The following HSBP1 variants were observed in gnomAD, a reference collection of about 807,000 sequenced individuals.
The protein encoded by HSBP1 is heat shock factor binding protein 1.
Under a neutral mutation model 9.6 loss-of-function variants are expected in HSBP1, and 5 were observed. That is an observed-to-expected ratio of 0.52 (90% CI 0.27 to 1.09). The LOEUF is 1.09. Among genes scored for constraint, HSBP1 ranks in the 50% least tolerant of loss-of-function variants. HSBP1 has a pLI of 0.11. For synonymous variants in HSBP1, 42 were observed against 33.3 expected (o/e 1.26, Z -0.90); for missense variants, 121 against 96.3 (o/e 1.26, Z -1.07).
At position 83,808,091 on chromosome 16, in the gene HSBP1, C is replaced by T. The variant is rs1414899056; in HGVS notation, c.15C>T (p.Asp5=). Residue 5 remains aspartate (D), a synonymous_variant, in exon 1 of 4, where the codon GAC becomes GAT. Transcript: ENST00000433866. ...GCATCGGGGAGATGGCCGAGACTGA[C>T]CCCAAGACCGTGCAGGACCTCACCT... MAET[D]PKTVQDLTSV... is the part of the protein sequence containing the mutation. 1.3e-6 allele frequency: 2 copies of T among 1,547,254 alleles called. No homozygotes were observed. The highest frequency in any genetic ancestry group is 1.7e-6 in the Non-Finnish European group (2 of 1,144,990).
chr16:83,808,500 C>T, intron 1 of HSBP1, 180 bp from the exon 2 acceptor site: 1 of 593,364 alleles, frequency 1.7e-6, no homozygotes, highest in Non-Finnish European at 3.0e-6. Context: ...CCCAGCCCAG[C>T]AGTCTAATTG....
Position 83,816,735 on chromosome 16 carries a change from A to G in HSBP1, c.*5317A>G, listed in dbSNP as rs1298630824. On this transcript the variant is annotated 3_prime_UTR_variant, in exon 4 of 4. Coordinates refer to ENST00000433866, the MANE Select transcript of HSBP1 (RefSeq NM_001537.4). ...CAACCCTCACCCCAAAGAGTGGCACAGCCCCAAGTGTCAACAGTGCTGAGG... is the reference window on the plus strand; with the variant it reads ...CAACCCTCACCCCAAAGAGTGGCACGGCCCCAAGTGTCAACAGTGCTGAGG... The G allele has an allele frequency of 2.0e-5, 3 of 152,214 alleles. No individual in the cohort carries two copies. The highest frequency in any genetic ancestry group is 2.9e-5 in the Non-Finnish European group (2 of 68,076). The allele number at this position is 152,214 out of a possible 1,614,324, so 9.4% of individuals were successfully genotyped here.
chr16:83,810,130 A>G (rs148788392), intron 3 of HSBP1, among the ~76,000 whole-genome samples: 1 of 151,638 alleles, frequency 6.6e-6, no homozygotes, highest in East Asian at 1.9e-4. Context: ...AATAACTGAT[A>G]AGTCACCCAC....
At chr16:83,810,114 T>A (rs893761987) in intron 3 of HSBP1, among the ~76,000 whole-genome samples, 5 of 152,016 alleles carry the variant, frequency 3.3e-5, no homozygotes, top group African/African-American at 1.2e-4. Flanking sequence ...TTTTTTTTTT[T>A]ATGGAAATAA....
intron 1 of HSBP1, 64 bp downstream of exon 1, chr16:83,808,185 C>G (rs1365978919): frequency 7.1e-7 from 1 of 1,400,066 alleles, no homozygotes; most frequent in Non-Finnish European, 9.7e-7. Flanking sequence ...CCAAGCCCTG[C>G]TGGACAGAGG....
rs143738069 is a variant in HSBP1 at position 83,813,991 on chromosome 16, CCA to C, written c.*2585_*2586del. 2.1e-3 allele frequency: 317 copies of C among 152,006 alleles called. 1 individual carries two copies. The highest frequency in any genetic ancestry group is 7.3e-3 in the African/African-American group (303 of 41,462). 9.4% of individuals were successfully genotyped at this position (152,006 alleles called of 1,614,324 possible). On this transcript the variant is annotated 3_prime_UTR_variant, in exon 4 of 4. Transcript: ENST00000433866. Reference sequence around the variant, plus strand: ...CTTGTGAGTCCTTGGAATTTAAGCCCCACACACACACACTTAGAGCACTGTTG... The same window carrying C: ...CTTGTGAGTCCTTGGAATTTAAGCCCCACACACACACTTAGAGCACTGTTG...
At position 83,818,518 on chromosome 16, in the gene HSBP1, C is replaced by T. The variant is rs753762305; in HGVS notation, c.*7100C>T. The T allele has an allele frequency of 3.9e-5, 6 of 152,160 alleles. No homozygotes were observed. The highest frequency in any genetic ancestry group is 1.2e-4 in the African/African-American group (5 of 41,436). 9.4% of individuals were successfully genotyped at this position (152,160 alleles called of 1,614,324 possible). A position where few individuals can be genotyped will look rare whatever the true frequency, so the allele number is the denominator to read the frequency against. On this transcript the variant is annotated 3_prime_UTR_variant, in exon 4 of 4. Transcript: ENST00000433866. ...TAGCAAGTTCAGAACTTGAAGAATC[C>T]CTTTTATCCTAACGCTGACTAATAA...
rs946339323 is a variant in HSBP1 at position 83,812,340 on chromosome 16, A to T, written c.*922A>T. 3.3e-5 allele frequency: 5 copies of T among 152,270 alleles called. No individual in the cohort carries two copies. Among genetic ancestry groups the T allele is most frequent in the Non-Finnish European group, 7.3e-5 (5 of 68,046 alleles). 9.4% of individuals were successfully genotyped at this position (152,270 alleles called of 1,614,324 possible). ...TAGTAGACTCAAGTTTTTAAAAAAC[A>T]CTATTTTACTTAAACTGTTTCTTAT... On this transcript the variant is annotated 3_prime_UTR_variant, in exon 4 of 4. Transcript: ENST00000433866.
chr16:83,808,324 A>G (rs1220785753), intron 1 of HSBP1: 4 of 561,604 alleles, frequency 7.1e-6, no homozygotes, highest in Non-Finnish European at 1.2e-5. Context: ...GGCGCCCCCA[A>G]GCCCGACCCC....
In HSBP1 at chr16:83,813,623, G is replaced by A. The variant is rs1236908646; in HGVS notation, c.*2205G>A. 1 of 152,314 alleles carries A rather than the reference G, an allele frequency of 6.6e-6. No individual in the cohort carries two copies. Among genetic ancestry groups the A allele is most frequent in the Admixed American group, 6.5e-5 (1 of 15,286 alleles). The allele number at this position is 152,314 out of a possible 1,614,324, so 9.4% of individuals were successfully genotyped here. A position where few individuals can be genotyped will look rare whatever the true frequency, so the allele number is the denominator to read the frequency against. ...CTGGAGCCACCATGCCTGTCCAAGG[G>A]TCTTTTTTATACTATATGAAGTATT... On this transcript the variant is annotated 3_prime_UTR_variant, in exon 4 of 4. Transcript: ENST00000433866.
chr16:83,809,300 A>C lies in HSBP1; in HGVS notation c.113-5A>C. On this transcript the variant is annotated splice_region_variant and splice_polypyrimidine_tract_variant and intron_variant, in intron 2 of 3. Transcript: ENST00000433866. ...GTTGGCACGCGTTGTCTTTAACTTCAGCACTTGATGATATGAGTAGTCGCA... is the reference window on the plus strand; with the variant it reads ...GTTGGCACGCGTTGTCTTTAACTTCCGCACTTGATGATATGAGTAGTCGCA... The C allele has an allele frequency of 6.4e-7, 1 of 1,558,876 alleles. No homozygotes were observed. The highest frequency in any genetic ancestry group is 1.2e-5 in the South Asian group (1 of 85,822).
rs1233197466 is a variant in HSBP1 at position 83,808,039 on chromosome 16, C to G, written c.-38C>G. ...AGCGGACAAACGGAAGTGTAGGTTACGGTCTGAGACATCACCGCCAAGCTG... is the reference window on the plus strand; with the variant it reads ...AGCGGACAAACGGAAGTGTAGGTTAGGGTCTGAGACATCACCGCCAAGCTG... On this transcript the variant is annotated 5_prime_UTR_variant, in exon 1 of 4. Coordinates refer to ENST00000433866, the MANE Select transcript of HSBP1 (RefSeq NM_001537.4). 26 of 1,506,872 alleles carry G rather than the reference C, an allele frequency of 1.7e-5. No individual in the cohort carries two copies. Among genetic ancestry groups the G allele is most frequent in the Non-Finnish European group, 2.3e-5 (26 of 1,125,170 alleles). 93.3% of individuals were successfully genotyped at this position (1,506,872 alleles called of 1,614,324 possible). A position where few individuals can be genotyped will look rare whatever the true frequency, so the allele number is the denominator to read the frequency against.
At chr16:83,810,948 G>A (rs1904587119) in intron 3 of HSBP1, among the ~76,000 whole-genome samples, 1 of 152,186 alleles carries the variant, frequency 6.6e-6, no homozygotes, top group South Asian at 2.1e-4. Context: ...ATACAGATTT[G>A]GGATGTTGAA....
chr16:83,812,154 C>G lies in HSBP1; in HGVS notation c.*736C>G, dbSNP rs989210237. On this transcript the variant is annotated 3_prime_UTR_variant, in exon 4 of 4. Coordinates refer to ENST00000433866, the MANE Select transcript of HSBP1 (RefSeq NM_001537.4). Reference sequence around the variant, plus strand: ...TTCTAATACTTCAGTAGGACCCTACCTACGTGGTTCATCTACAATGGTTAC... The same window carrying G: ...TTCTAATACTTCAGTAGGACCCTACGTACGTGGTTCATCTACAATGGTTAC... 1 of 152,518 alleles carries G rather than the reference C, an allele frequency of 6.6e-6. No individual in the cohort carries two copies. The highest frequency in any genetic ancestry group is 2.4e-5 in the African/African-American group (1 of 41,396). 9.4% of individuals were successfully genotyped at this position (152,518 alleles called of 1,614,324 possible).
intron 1 of HSBP1, 43 bp from the exon 2 acceptor site, chr16:83,808,637 A>C (rs1438455680): frequency 3.3e-6 from 5 of 1,524,712 alleles, no homozygotes; most frequent in Non-Finnish European, 4.5e-6. Flanking sequence ...AAGTTGTCTC[A>C]GGATCGATGT....
intron 1 of HSBP1, chr16:83,808,424 A>C: frequency 1.8e-6 from 1 of 559,002 alleles, no homozygotes; most frequent in Non-Finnish European, 3.2e-6. Context: ...CTCCTCACAC[A>C]CCCCCGGGTG....
intron 1 of HSBP1, 98 bp downstream of exon 1, chr16:83,808,219 G>T: frequency 9.3e-7 from 1 of 1,072,696 alleles, no homozygotes; most frequent in Non-Finnish European, 1.3e-6. Context: ...GCCGCGCGTG[G>T]CGTCTGCCGA....
At position 83,817,642 on chromosome 16, in the gene HSBP1, A is replaced by C. The variant is rs1904751907; in HGVS notation, c.*6224A>C. On this transcript the variant is annotated 3_prime_UTR_variant, in exon 4 of 4. Coordinates refer to ENST00000433866, the MANE Select transcript of HSBP1 (RefSeq NM_001537.4). ...TTACAAGTTGCTGTCAAAACCCAGT[A>C]AGTGTTTACAGAAAGAAACTTTACA... 6.6e-6 allele frequency: 1 copy of C among 152,246 alleles called. No individual in the cohort carries two copies. Among genetic ancestry groups the C allele is most frequent in the Admixed American group, 6.5e-5 (1 of 15,284 alleles). The allele number at this position is 152,246 out of a possible 1,614,324, so 9.4% of individuals were successfully genotyped here.
chr16:83,814,204 T>G lies in HSBP1; in HGVS notation c.*2786T>G, dbSNP rs140309955. The stretch of plus-strand genomic sequence containing the variant: ...GTCATATCTAGCCCTGAAAGTTAAC[T>G]GGTTACAGTTACCAAATGTTCACAG... On this transcript the variant is annotated 3_prime_UTR_variant, in exon 4 of 4. Coordinates refer to ENST00000433866, the MANE Select transcript of HSBP1 (RefSeq NM_001537.4). The G allele has an allele frequency of 7.0e-4, 106 of 152,374 alleles. No individual in the cohort carries two copies. Among genetic ancestry groups the G allele is most frequent in the African/African-American group, 2.3e-3 (95 of 41,586 alleles). 9.4% of individuals were successfully genotyped at this position (152,374 alleles called of 1,614,324 possible).
Sources: allele counts gnomAD v4.1 joint callset (sites outside exome capture counted in the v4.1 genomes callset), GRCh38; gene constraint gnomAD v4.1.1; transcripts MANE v1.5; gene names NCBI Gene and HGNC (gene_info 2026-07-23, HGNC 2026-07-21).